Variants in VHL observed in about 807,000 individuals in gnomAD.
VHL encodes von Hippel-Lindau tumor suppressor, also known as von Hippel-Lindau disease tumor suppressor.
VHL carries 10 observed loss-of-function variants against 19.2 expected under a neutral mutation model. The ratio of observed to expected loss-of-function variants is 0.52; its 90% CI spans 0.32 to 0.89. The LOEUF is 0.89. Among genes scored for constraint, VHL ranks in the 40% least tolerant of loss-of-function variants. The pLI, the probability that VHL is intolerant of heterozygous loss-of-function variation, is 0.03. For missense variants in VHL, 328 were observed against 292.7 expected, an observed-to-expected ratio of 1.12 and a Z score of -0.88; for synonymous variants, 167 against 129.5, an observed-to-expected ratio of 1.29 and a Z score of -1.97.
At chr3:10,142,579 C>G in intron 1 of VHL, 1 of 215,044 alleles carries the variant, frequency 4.7e-6, no homozygotes, top group Non-Finnish European at 9.5e-6. Flanking sequence ...CTGCTGACCT[C>G]GTGATCCGCC....
At position 10,153,257 on chromosome 3, in the gene VHL, G is replaced by A. The variant is rs930603557; in HGVS notation, c.*3292G>A. ...GGTGCCACTGCACTCTAACCTGGGC[G>A]ACAGAGTGAGACACCGTCTCAAAAA... On this transcript the variant is annotated 3_prime_UTR_variant, in exon 3 of 3. Transcript: ENST00000256474. Among the ~76,000 whole-genome samples, 1 of 151,510 alleles carries A rather than the reference G, an allele frequency of 6.6e-6. No homozygotes were observed. The highest frequency in any genetic ancestry group is 2.1e-4 in the South Asian group (1 of 4,788).
chr3:10,142,619 T>A, intron 1 of VHL: 1 of 195,688 alleles, frequency 5.1e-6, no homozygotes, highest in Non-Finnish European at 1.1e-5. Context: ...GCTGGGCTTA[T>A]GGGCATGAGC....
rs865845315 is a variant in VHL at position 10,151,381 on chromosome 3, T to C, written c.*1416T>C. ...TTTTTGTAACTAATAGATTTTTTTTTCCACTTTTGTTCTACTCCTTCCCTA... is the reference window on the plus strand; with the variant it reads ...TTTTTGTAACTAATAGATTTTTTTTCCCACTTTTGTTCTACTCCTTCCCTA... On this transcript the variant is annotated 3_prime_UTR_variant, in exon 3 of 3. Transcript: ENST00000256474. 1.4e-5 allele frequency: 3 copies of C among 218,796 alleles called. No homozygotes were observed. Among genetic ancestry groups the C allele is most frequent in the Non-Finnish European group, 2.8e-5 (3 of 109,086 alleles). 13.6% of individuals were successfully genotyped at this position (218,796 alleles called of 1,614,324 possible).
Position 10,144,584 on chromosome 3 carries a change from C to T in VHL, c.341-1930C>T, listed in dbSNP as rs74749021. The stretch of plus-strand genomic sequence containing the variant: ...GGAGTTTGGTGGCATGATCACGGCT[C>T]ATTGCACCCTTAACCTGGGCTCAAG... On this transcript the variant is annotated intron_variant, in intron 1 of 2. Transcript: ENST00000256474. Among the ~76,000 whole-genome samples the T allele has an allele frequency of 8.7e-3, 1,290 of 147,678 alleles. 18 individuals are homozygous for T. The highest frequency in any genetic ancestry group is 0.031 in the African/African-American group (1,226 of 39,804).
intron 1 of VHL, among the ~76,000 whole-genome samples, chr3:10,144,306 A>T (rs932832528): frequency 3.5e-4 from 2 of 5,696 alleles, no homozygotes; most frequent in South Asian, 2.7e-3. Flanking sequence ...GTCTGTATTT[A>T]AAAAAAAAAA....
intron 2 of VHL, among the ~76,000 whole-genome samples, chr3:10,147,310 T>C (rs1314445787): frequency 2.6e-5 from 4 of 151,334 alleles, no homozygotes; most frequent in African/African-American, 9.7e-5. Flanking sequence ...GCACCTGGCC[T>C]ATGTATTTTC....
rs1696467247 is a variant in VHL at position 10,153,413 on chromosome 3, G to A, written c.*3448G>A. Among the ~76,000 whole-genome samples, 1 of 151,494 alleles carries A rather than the reference G, an allele frequency of 6.6e-6. No individual in the cohort carries two copies. Among genetic ancestry groups the A allele is most frequent in the African/African-American group, 2.4e-5 (1 of 41,052 alleles). On this transcript the variant is annotated 3_prime_UTR_variant, in exon 3 of 3. Transcript: ENST00000256474. ...CATTGCACTCCAGCCTGGGCAACAAGAGTGAAATTCCATCTCAAAAAGAAA... is the reference window on the plus strand; with the variant it reads ...CATTGCACTCCAGCCTGGGCAACAAAAGTGAAATTCCATCTCAAAAAGAAA...
rs1428175816 is a variant in VHL at position 10,142,052 on chromosome 3, C to G, written c.205C>G (p.Arg69Gly). The G allele has an allele frequency of 1.5e-5, 24 of 1,605,474 alleles. No individual in the cohort carries two copies. The highest frequency in any genetic ancestry group is 1.9e-5 in the Non-Finnish European group (22 of 1,178,028). Residue 69 changes from arginine (R) to glycine (G), a missense_variant, in exon 1 of 3, where the codon CGC becomes GGC. Physicochemically the swap from Arg to Gly is moderately radical, Grantham distance 125. Transcript: ENST00000256474. The part of the protein sequence containing the change: ...PRPVLRSVNS[R>G]EPSQVIFCNR... ...GCCCGTGCTGCGCTCGGTGAACTCG[C>G]GCGAGCCCTCCCAGGTCATCTTCTG...
rs5030802 is a variant in VHL at position 10,142,055 on chromosome 3, G to T, written c.208G>T (p.Glu70Ter). Reference protein sequence around the residue: ...RPVLRSVNSREPSQVIFCNRS... With the variant: ...RPVLRSVNSR ...CGTGCTGCGCTCGGTGAACTCGCGC[G>T]AGCCCTCCCAGGTCATCTTCTGCAA... The change falls in exon 1 of 3, where the codon GAG (glutamate) becomes TAG (stop). Residue 70 changes from glutamate (E) to a stop codon, truncating the protein, a stop_gained. Coordinates refer to ENST00000256474, the MANE Select transcript of VHL (RefSeq NM_000551.4). LOFTEE classifies it high-confidence loss of function. 1 of 1,606,316 alleles carries T rather than the reference G, an allele frequency of 6.2e-7. No individual in the cohort carries two copies.
In VHL at chr3:10,152,455, C is replaced by T. The variant is rs1318542192; in HGVS notation, c.*2490C>T. On this transcript the variant is annotated 3_prime_UTR_variant, in exon 3 of 3. Coordinates refer to ENST00000256474, the MANE Select transcript of VHL (RefSeq NM_000551.4). The stretch of plus-strand genomic sequence containing the variant: ...CTCCGAATTTCAACTGATTTTAGCT[C>T]CTCCTTTCAACATTCAACAAATAGT... 1.4e-5 allele frequency among the ~76,000 whole-genome samples: 2 copies of T among 146,542 alleles called. No homozygotes were observed. The highest frequency in any genetic ancestry group is 3.0e-5 in the Non-Finnish European group (2 of 66,886).
At chr3:10,147,200 C>T (rs112248386) in intron 2 of VHL, among the ~76,000 whole-genome samples, 21,185 of 151,514 alleles carry the variant, frequency 0.14, 1,509 homozygotes, top group Non-Finnish European at 0.16. Context: ...TTAGTAGAGA[C>T]GGGGTTTCAC....
chr3:10,141,784 C>T lies in VHL; in HGVS notation c.-64C>T, dbSNP rs772944298. ...TCGACTCGGGAGCGCGCACGCAGCT[C>T]CGCCCCGCGTCCGACCCGCGGATCC... On this transcript the variant is annotated 5_prime_UTR_variant, in exon 1 of 3. Transcript: ENST00000256474. 2.1e-4 allele frequency: 327 copies of T among 1,525,460 alleles called. No homozygotes were observed. The highest frequency in any genetic ancestry group is 2.8e-4 in the Non-Finnish European group (314 of 1,131,072). 94.5% of individuals were successfully genotyped at this position (1,525,460 alleles called of 1,614,324 possible).
intron 1 of VHL, 112 bp from the exon 2 acceptor site, chr3:10,146,402 C>G: frequency 7.0e-7 from 1 of 1,429,710 alleles, no homozygotes; most frequent in African/African-American, 1.4e-5. Flanking sequence ...TCTTGATCTC[C>G]TGACCTCATG....
chr3:10,145,330 A>T (rs779812), intron 1 of VHL, among the ~76,000 whole-genome samples: 1 of 152,134 alleles, frequency 6.6e-6, no homozygotes, highest in South Asian at 2.1e-4. Context: ...TATTTATTCT[A>T]AGACAACCTC....
chr3:10,141,812 C>A lies in VHL; in HGVS notation c.-36C>A. 6.5e-7 allele frequency: 1 copy of A among 1,535,840 alleles called. No individual in the cohort carries two copies. Among genetic ancestry groups the A allele is most frequent in the Non-Finnish European group, 8.8e-7 (1 of 1,140,318 alleles). On this transcript the variant is annotated 5_prime_UTR_variant, in exon 1 of 3. Transcript: ENST00000256474. ...CCCCGCGTCCGACCCGCGGATCCCGCGGCGTCCGGCCCGGGTGGTCTGGAT... is the reference window on the plus strand; with the variant it reads ...CCCCGCGTCCGACCCGCGGATCCCGAGGCGTCCGGCCCGGGTGGTCTGGAT...
rs73024533 is a variant in VHL at position 10,142,835 on chromosome 3, T to C, written c.340+648T>C. The C allele has an allele frequency of 9.5e-3, 1,452 of 152,456 alleles. 7 individuals carry two copies. The highest frequency in any genetic ancestry group is 0.014 in the Non-Finnish European group (921 of 68,154). 9.4% of individuals were successfully genotyped at this position (152,456 alleles called of 1,614,324 possible). A position where few individuals can be genotyped will look rare whatever the true frequency, so the allele number is the denominator to read the frequency against. ...GAGAACACATTCCTCCTGGGGAGAC[T>C]GACAGATGCAAAGACAGGAACAAGC... On this transcript the variant is annotated intron_variant, in intron 1 of 2. Coordinates refer to ENST00000256474, the MANE Select transcript of VHL (RefSeq NM_000551.4).
chr3:10,151,607 A>G lies in VHL; in HGVS notation c.*1642A>G, dbSNP rs2125131893. 1 of 222,990 alleles carries G rather than the reference A, an allele frequency of 4.5e-6. No individual in the cohort carries two copies. Among genetic ancestry groups the G allele is most frequent in the African/African-American group, 2.2e-5 (1 of 44,898 alleles). 13.8% of individuals were successfully genotyped at this position (222,990 alleles called of 1,614,324 possible). ...GATTGTACTGTTCATACAGTTTTAT[A>G]CCCTTTTTCATTTAACTTTATAACT... is the stretch of plus-strand genomic sequence containing the variant. On this transcript the variant is annotated 3_prime_UTR_variant, in exon 3 of 3. Transcript: ENST00000256474.
In VHL at chr3:10,152,369, CAAAAAA is replaced by C. The variant is rs564788050; in HGVS notation, c.*2414_*2419del. On this transcript the variant is annotated 3_prime_UTR_variant, in exon 3 of 3. Transcript: ENST00000256474. ...GTGTGACAGAGCAATACTCTTGTCT[CAAAAAA>C]AAAAAAAAATTCAAATCAGAGTGAA... 1 of 107,998 alleles carries C rather than the reference CAAAAAA, an allele frequency of 9.3e-6. No individual in the cohort carries two copies. The highest frequency in any genetic ancestry group is 1.1e-4 in the Admixed American group (1 of 9,462). 6.7% of individuals were successfully genotyped at this position (107,998 alleles called of 1,614,324 possible).
chr3:10,149,747 C>T (rs111630365), intron 2 of VHL, 40 bp from the exon 3 acceptor site: 3 of 1,562,464 alleles, frequency 1.9e-6, no homozygotes, highest in South Asian at 1.1e-5. Context: ...TGTACTGAGA[C>T]CCTAGTCTGC....
Sources: allele counts gnomAD v4.1 joint callset (sites outside exome capture counted in the v4.1 genomes callset), GRCh38; gene constraint gnomAD v4.1.1; transcripts MANE v1.5; gene names NCBI Gene and HGNC (gene_info 2026-07-23, HGNC 2026-07-21).